LIMA1: variants seen among roughly 807,000 people sequenced by gnomAD.
LIMA1 encodes the protein LIM domain and actin-binding protein 1.
A neutral mutation model predicts 62.6 loss-of-function variants in LIMA1; 52 were observed. The ratio of observed to expected loss-of-function variants is 0.83; its 90% CI spans 0.67 to 1.05. The LOEUF (loss-of-function observed/expected upper bound fraction) is 1.05, where lower values mean the gene tolerates loss of function less well. LIMA1 is among the 50% of genes least tolerant of loss of function. The pLI is 0.00. For missense variants in LIMA1, 780 were observed against 902.2 expected, an observed-to-expected ratio of 0.86 and a Z score of 1.74; for synonymous variants, 302 against 317.8, an observed-to-expected ratio of 0.95 and a Z score of 0.53.
chr12:50,258,530 T>C (rs1942026624), intron 1 of LIMA1, among the ~76,000 whole-genome samples: 1 of 151,970 alleles, frequency 6.6e-6, no homozygotes, highest in Non-Finnish European at 1.5e-5. Flanking sequence ...CTCCTGGGCC[T>C]AAGTGATCCT....
At chr12:50,237,468 C>G (rs1238724376) in intron 2 of LIMA1, among the ~76,000 whole-genome samples, 1 of 152,134 alleles carries the variant, frequency 6.6e-6, no homozygotes, top group Non-Finnish European at 1.5e-5. Flanking sequence ...GAAACCCCAT[C>G]TCTACTAAAA....
At chr12:50,271,796 A>G (rs1942215384) in intron 1 of LIMA1, among the ~76,000 whole-genome samples, 1 of 152,202 alleles carries the variant, frequency 6.6e-6, no homozygotes, top group South Asian at 2.1e-4. Context: ...GGCTCAATAA[A>G]TATCTGTTAT....
At chr12:50,205,863 G>T in intron 5 of LIMA1, 121 bp downstream of exon 5, 1 of 539,948 alleles carries the variant, frequency 1.9e-6, no homozygotes, top group Non-Finnish European at 3.2e-6. Context: ...GCATCTAATA[G>T]GCAGACTTCC....
chr12:50,240,107 A>T (rs1941755944), intron 2 of LIMA1, among the ~76,000 whole-genome samples: 1 of 152,082 alleles, frequency 6.6e-6, no homozygotes, highest in South Asian at 2.1e-4. Flanking sequence ...AATGACCTGT[A>T]GGCTGAGATG....
chr12:50,257,846 G>T (rs35768991), intron 1 of LIMA1, among the ~76,000 whole-genome samples: 1 of 151,972 alleles, frequency 6.6e-6, no homozygotes, highest in Admixed American at 6.6e-5. Context: ...TTCCTGCTTC[G>T]GCCCTCCAAA....
At chr12:50,276,324 T>G (rs1049697498) in intron 1 of LIMA1, among the ~76,000 whole-genome samples, 3 of 152,174 alleles carry the variant, frequency 2.0e-5, no homozygotes, top group African/African-American at 7.2e-5. Flanking sequence ...TGAATCTGGG[T>G]GTACGCAGAT....
At chr12:50,259,782 T>C (rs928697772) in intron 1 of LIMA1, among the ~76,000 whole-genome samples, 1 of 152,178 alleles carries the variant, frequency 6.6e-6, no homozygotes, top group Non-Finnish European at 1.5e-5. Flanking sequence ...AATTGTAACA[T>C]TGACCAAATT....
intron 6 of LIMA1, 109 bp downstream of exon 6, chr12:50,204,443 G>A (rs1221686865): frequency 8.9e-6 from 11 of 1,237,138 alleles, no homozygotes; most frequent in South Asian, 3.3e-5. Context: ...ACAGCTAGGG[G>A]ACCAGGGCTC....
At chr12:50,218,855 C>A (rs559235613) in intron 4 of LIMA1, among the ~76,000 whole-genome samples, 3 of 150,138 alleles carry the variant, frequency 2.0e-5, no homozygotes, top group Non-Finnish European at 4.4e-5. Flanking sequence ...TACCACTGTA[C>A]TCCTCCAGCC....
chr12:50,257,728 TC>T (rs1309794466), intron 1 of LIMA1, among the ~76,000 whole-genome samples: 2 of 152,200 alleles, frequency 1.3e-5, no homozygotes, highest in Admixed American at 6.5e-5. Context: ...ATTTCTGCTT[TC>T]CACACCCTTA....
chr12:50,223,516 C>T (rs1048402070), intron 3 of LIMA1, among the ~76,000 whole-genome samples: 9 of 151,418 alleles, frequency 5.9e-5, no homozygotes, highest in Admixed American at 1.3e-4. Context: ...TCTCAGTTAT[C>T]AAGAAATTCA....
Position 50,248,788 on chromosome 12 carries a change from A to G in LIMA1, c.-23-14T>C. 2.4e-6 allele frequency: 3 copies of G among 1,246,570 alleles called. No homozygotes were observed. Among genetic ancestry groups the G allele is most frequent in the Admixed American group, 1.7e-5 (1 of 58,694 alleles). 77.2% of individuals were successfully genotyped at this position (1,246,570 alleles called of 1,614,324 possible). A position where few individuals can be genotyped will look rare whatever the true frequency, so the allele number is the denominator to read the frequency against. Reference sequence around the variant, plus strand: ...ACACTGAAATACCTATGCAATAAAGAAAGTCAGAACATTAGACACAGAAGA... The same window carrying G: ...ACACTGAAATACCTATGCAATAAAGGAAGTCAGAACATTAGACACAGAAGA... On this transcript the variant is annotated splice_polypyrimidine_tract_variant and intron_variant, in intron 1 of 10. Coordinates refer to ENST00000341247, the MANE Select transcript of LIMA1 (RefSeq NM_016357.5).
chr12:50,248,681 G>A lies in LIMA1; in HGVS notation c.71C>T (p.Ser24Phe), dbSNP rs867437983. Residue 24 changes from serine to phenylalanine, a missense_variant, in exon 2 of 11, where the codon TCT becomes TTT. Transcript: ENST00000341247. ...LSLRVTAKEL[S>F]LVNKNKSSAI... Reference sequence around the variant, plus strand: ...CGATGACTTGTTCTTGTTGACAAGAGAAAGTTCTTTGGCTGTTACCCTCAA... The same window carrying A: ...CGATGACTTGTTCTTGTTGACAAGAAAAAGTTCTTTGGCTGTTACCCTCAA... 6.2e-7 allele frequency: 1 copy of A among 1,613,804 alleles called. No individual in the cohort carries two copies. Among genetic ancestry groups the A allele is most frequent in the Non-Finnish European group, 8.5e-7 (1 of 1,179,684 alleles).
chr12:50,237,170 G>A (rs562120236), intron 2 of LIMA1, among the ~76,000 whole-genome samples: 1 of 152,260 alleles, frequency 6.6e-6, no homozygotes, highest in Non-Finnish European at 1.5e-5. Context: ...ATTTATCATA[G>A]CATTAAATAT....
intron 4 of LIMA1, among the ~76,000 whole-genome samples, chr12:50,209,108 C>A (rs1421321829): frequency 6.7e-6 from 1 of 149,768 alleles, no homozygotes; most frequent in African/African-American, 2.5e-5. Flanking sequence ...CAGGTGTGGG[C>A]CACTGCATCC....
intron 1 of LIMA1, among the ~76,000 whole-genome samples, chr12:50,263,813 G>C (rs866960758): frequency 1.7e-3 from 223 of 129,058 alleles, no homozygotes; most frequent in Non-Finnish European, 2.4e-3. Flanking sequence ...GTGTGTGTGT[G>C]TCTATATATA....
At position 50,203,230 on chromosome 12, in the gene LIMA1, G is replaced by A. The variant is rs544667116; in HGVS notation, c.864+1322C>T. Reference sequence around the variant, plus strand: ...GGATTTCACCATGTTGGCCAGGCTGGTTCTGAACTCCTGACTTCAAATGAC... The same window carrying A: ...GGATTTCACCATGTTGGCCAGGCTGATTCTGAACTCCTGACTTCAAATGAC... On this transcript the variant is annotated intron_variant, in intron 6 of 10. Coordinates refer to ENST00000341247, the MANE Select transcript of LIMA1 (RefSeq NM_016357.5). Among the ~76,000 whole-genome samples, 378 of 151,140 alleles carry A rather than the reference G, an allele frequency of 2.5e-3. 2 individuals carry two copies. The highest frequency in any genetic ancestry group is 3.6e-3 in the Non-Finnish European group (245 of 67,940).
At chr12:50,179,986 G>A (rs1442709139) in intron 10 of LIMA1, among the ~76,000 whole-genome samples, 1 of 151,392 alleles carries the variant, frequency 6.6e-6, no homozygotes, top group African/African-American at 2.4e-5. Flanking sequence ...CCAACATGGT[G>A]AAACCCCATC....
In LIMA1 at chr12:50,204,707, G is replaced by A; in HGVS notation, c.716-7C>T. ...GTAGAAGATGACAACTGACCTGGAA[G>A]CATCCAAATAACATGTTTTATTTTA... On this transcript the variant is annotated splice_region_variant and splice_polypyrimidine_tract_variant and intron_variant, in intron 5 of 10. Transcript: ENST00000341247. 1.2e-6 allele frequency: 2 copies of A among 1,613,742 alleles called. No individual in the cohort carries two copies. Among genetic ancestry groups the A allele is most frequent in the Non-Finnish European group, 1.7e-6 (2 of 1,179,838 alleles).
Sources: gnomAD v4.1 joint callset for allele counts (sites outside exome capture counted in the v4.1 genomes callset) on GRCh38, gnomAD v4.1.1 for gene constraint, MANE v1.5 for transcripts, NCBI Gene and HGNC (gene_info 2026-07-23, HGNC 2026-07-21) for gene names.